Variants in GPM6B observed in about 807,000 individuals in gnomAD.
GPM6B encodes glycoprotein M6B, also known as neuronal membrane glycoprotein M6-b.
Under a neutral mutation model 27.2 loss-of-function variants are expected in GPM6B, and 4 were observed. The ratio of observed to expected loss-of-function variants is 0.15; its 90% confidence interval spans 0.07 to 0.34. The LOEUF is 0.34. Ranked by LOEUF, GPM6B falls within the 10% of genes least tolerant of loss-of-function variation. The pLI, the probability that GPM6B is intolerant of heterozygous loss-of-function variation, is 1.00. For synonymous variants in GPM6B, 124 were observed against 103.1 expected (o/e 1.20, Z -1.23); for missense variants, 183 against 261.9 (o/e 0.70, Z 2.08).
rs777344616 is a variant in GPM6B, at chrX:13,890,290, C to T, written c.-198+48037G>A. Among the ~76,000 whole-genome samples the T allele has an allele frequency of 2.7e-5, 3 of 111,899 alleles. No individual in the cohort carries two copies. The South Asian group carries it at 1.1e-3, about 42-fold the overall frequency. On this transcript the variant is annotated intron_variant, in intron 1 of 6. Coordinates refer to the GPM6B transcript ENST00000398361. ...TACCATGGCAACGTCAGAAAGTTAC[C>T]CTATATGGTCTAGAAAGGGGAGGCA...
rs186003976 is a variant in GPM6B, at chrX:13,838,454, T to C, written c.-197-52646A>G. On this transcript the variant is annotated intron_variant, in intron 1 of 6. Coordinates refer to the GPM6B transcript ENST00000398361. The stretch of plus-strand genomic sequence containing the variant: ...AAATTAAGATTCATCTGGCTCAGAC[T>C]GAATTCTTTGAAAGGGCTCTGAGCT... Among the ~76,000 whole-genome samples, 817 of 112,711 alleles carry C rather than the reference T, an allele frequency of 7.2e-3. 5 individuals are homozygous for C. The highest frequency in any genetic ancestry group is 0.014 in the Middle Eastern group (3 of 219).
rs763194245 is a variant in GPM6B, at chrX:13,799,190, A to ATTTTTTTTTTTT, written c.181+8448_181+8459dup. ...CTAGAAACCTCGATTAGCCAACCTA[A>ATTTTTTTTTTTT]TTTTTTTTTTTTTTTTTTTTTTTTT... On this transcript the variant is annotated intron_variant, in intron 2 of 7. Transcript: ENST00000316715. 1.9e-4 allele frequency among the ~76,000 whole-genome samples: 7 copies of ATTTTTTTTTTTT among 35,969 alleles called. 2 individuals are homozygous for ATTTTTTTTTTTT. The highest frequency in any genetic ancestry group is 2.4e-4 in the African/African-American group (2 of 8,337). 31.2% of individuals were successfully genotyped at this position (35,969 alleles called of 115,157 possible). A position where few individuals can be genotyped will look rare whatever the true frequency, so the allele number is the denominator to read the frequency against.
At position 13,816,974 on chromosome X, in the gene GPM6B, CT is replaced by C; in HGVS notation, c.-71del. 1 of 1,155,821 alleles carries C rather than the reference CT, an allele frequency of 8.7e-7. No homozygotes were observed. Among genetic ancestry groups the C allele is most frequent in the Non-Finnish European group, 1.1e-6 (1 of 871,782 alleles). On this transcript the variant is annotated 5_prime_UTR_variant, in exon 1 of 8. Transcript: ENST00000316715. ...ACTTGTTTTTCCTCCTCTTCCTTTT[CT>C]TTTGGACTCCCCTCCGTCTCTTATT...
intron 7 of GPM6B, chrX:13,774,213 A>G: frequency 1.3e-6 from 1 of 766,155 alleles, no homozygotes; most frequent in Non-Finnish European, 1.6e-6. Context: ...CAAAAATAAC[A>G]GAAAATGTAA....
chrX:13,871,109 C>CAAAAA (rs1196368471), intron 1 of GPM6B, among the ~76,000 whole-genome samples: 1 of 37,747 alleles, frequency 2.6e-5, no homozygotes, highest in African/African-American at 5.7e-5. Context: ...CAAAACAAAA[C>CAAAAA]AAAACAAAAA....
intron 1 of GPM6B, among the ~76,000 whole-genome samples, chrX:13,921,581 C>CTT (rs35264990): frequency 0.46 from 42,239 of 92,656 alleles, 8,775 homozygotes; most frequent in Non-Finnish European, 0.57. Flanking sequence ...AACCCCCCCC[C>CTT]TTTTTTTTTT....
chrX:13,804,414 C>G (rs1356870506), intron 2 of GPM6B, among the ~76,000 whole-genome samples: 3 of 7,082 alleles, frequency 4.2e-4, no homozygotes, highest in African/African-American at 2.2e-3. Flanking sequence ...GCATCATGGA[C>G]GGCGGGGGGG....
intron 1 of GPM6B, among the ~76,000 whole-genome samples, chrX:13,824,385 T>C (rs1223493081): frequency 3.6e-5 from 4 of 112,215 alleles, no homozygotes; most frequent in Admixed American, 9.4e-5. Flanking sequence ...AAAATATTGA[T>C]GCTGGGGCAT....
At chrX:13,807,883 C>T (rs2049052600) in intron 1 of GPM6B, 114 bp from the exon 2 acceptor site, 2 of 673,710 alleles carry the variant, frequency 3.0e-6, no homozygotes, top group Non-Finnish European at 4.3e-6. Context: ...AAAAAATATG[C>T]TATTGAAATG....
chrX:13,813,285 TAAG>T (rs1569227817), intron 1 of GPM6B, among the ~76,000 whole-genome samples: 1 of 110,634 alleles, frequency 9.0e-6, no homozygotes, highest in African/African-American at 3.3e-5. Flanking sequence ...AAAAAAAAAA[TAAG>T]AAATTATATC....
At chrX:13,789,127 A>T (rs1255004408) in intron 2 of GPM6B, among the ~76,000 whole-genome samples, 2 of 112,113 alleles carry the variant, frequency 1.8e-5, no homozygotes, top group African/African-American at 6.5e-5. Flanking sequence ...AATTTATAGG[A>T]CATAATACAG....
chrX:13,812,646 A>C (rs1603037648), intron 1 of GPM6B, among the ~76,000 whole-genome samples: 1 of 111,715 alleles, frequency 9.0e-6, no homozygotes, highest in South Asian at 3.8e-4. Flanking sequence ...AGACAAAGTC[A>C]CTTTATTAAG....
Position 13,777,346 on chromosome X carries a change from G to C in GPM6B, c.771+6C>G. 8.5e-7 allele frequency: 1 copy of C among 1,181,755 alleles called. No individual in the cohort carries two copies. Among genetic ancestry groups the C allele is most frequent in the South Asian group, 1.8e-5 (1 of 56,299 alleles). On this transcript the variant is annotated splice_donor_region_variant and intron_variant, in intron 6 of 7. Transcript: ENST00000316715. Reference sequence around the variant, plus strand: ...CAAGGGTTATTCTGAACTGTGATGAGTTTACCTCGTTTGTGTTGCAGATGT... The same window carrying C: ...CAAGGGTTATTCTGAACTGTGATGACTTTACCTCGTTTGTGTTGCAGATGT...
At chrX:13,773,280 G>T in intron 7 of GPM6B, 1 of 212,684 alleles carries the variant, frequency 4.7e-6, no homozygotes, top group Non-Finnish European at 8.3e-6. Flanking sequence ...GTATTGTTAA[G>T]AAAAAGCAAA....
chrX:13,806,477 T>C (rs1288871458), intron 2 of GPM6B, among the ~76,000 whole-genome samples: 2 of 111,944 alleles, frequency 1.8e-5, no homozygotes, highest in Non-Finnish European at 3.8e-5. Flanking sequence ...TGATGTCACC[T>C]CATGCTCACC....
At chrX:13,823,554 C>T (rs985535251) in intron 1 of GPM6B, among the ~76,000 whole-genome samples, 1 of 99,255 alleles carries the variant, frequency 1.0e-5, no homozygotes, top group Non-Finnish European at 2.0e-5. Context: ...GAGTCCTGAT[C>T]TGTTTCCCAG....
At chrX:13,778,050 GTTTGT>G (rs1458989469) in intron 5 of GPM6B, among the ~76,000 whole-genome samples, 12 of 76,471 alleles carry the variant, frequency 1.6e-4, no homozygotes, top group Admixed American at 2.0e-4. Flanking sequence ...AATCAAATTG[GTTTGT>G]TTTTTTTTTT....
upstream of GPM6B, among the ~76,000 whole-genome samples, chrX:13,820,891 T>G (rs1334811094): frequency 9.0e-6 from 1 of 110,939 alleles, no homozygotes; most frequent in Non-Finnish European, 1.9e-5. Context: ...ATTTCAAGTA[T>G]GCCAAGATTA....
chrX:13,912,259 T>G (rs2050384766), intron 1 of GPM6B, among the ~76,000 whole-genome samples: 2 of 112,332 alleles, frequency 1.8e-5, no homozygotes, highest in African/African-American at 6.5e-5. Context: ...AAGTACAATT[T>G]TTGTGTAGTT....
Sources: allele counts gnomAD v4.1 joint callset (sites outside exome capture counted in the v4.1 genomes callset), GRCh38; gene constraint gnomAD v4.1.1; transcripts MANE v1.5; gene names NCBI Gene and HGNC (gene_info 2026-07-23, HGNC 2026-07-21).